The following ZBTB20 variants were observed in gnomAD, a reference collection of about 807,000 sequenced individuals.
The protein encoded by ZBTB20 is zinc finger and BTB domain containing 20.
ZBTB20 carries 9 observed loss-of-function variants against 56.9 expected under a neutral mutation model. The observed-to-expected ratio is 0.16, with a 90% confidence interval of 0.10 to 0.28. The LOEUF (loss-of-function observed/expected upper bound fraction) is 0.28. Among genes scored for constraint, ZBTB20 ranks in the 10% least tolerant of loss-of-function variants. ZBTB20 has a pLI of 1.00. For synonymous variants in ZBTB20, 417 were observed against 420.7 expected (o/e 0.99, Z 0.11); for missense variants, 655 against 1,003.0 (o/e 0.65, Z 4.69).
intron 6 of ZBTB20, among the ~76,000 whole-genome samples, chr3:114,584,516 C>T (rs987648444): frequency 6.6e-6 from 1 of 151,500 alleles, no homozygotes; most frequent in African/African-American, 2.4e-5. Flanking sequence ...GACAATATCC[C>T]TAACTCTGTT....
rs1332978485 is a variant in ZBTB20 at position 114,326,322 on chromosome 3, A to G, written c.*12683T>C. ...TGGTCTTCATCTGCAATCAATAAAA[A>G]AATCTATTCTTTGGCCCCAGACCTG... On this transcript the variant is annotated 3_prime_UTR_variant, in exon 12 of 12. Transcript: ENST00000675478. 6.6e-6 allele frequency: 1 copy of G among 152,196 alleles called. No individual in the cohort carries two copies. Among genetic ancestry groups the G allele is most frequent in the Non-Finnish European group, 1.5e-5 (1 of 68,024 alleles). The allele number at this position is 152,196 out of a possible 1,614,324, so 9.4% of individuals were successfully genotyped here. A position where few individuals can be genotyped will look rare whatever the true frequency, so the allele number is the denominator to read the frequency against.
At chr3:115,144,908 C>G (rs1219275028) in intron 1 of ZBTB20, 1 of 152,216 alleles carries the variant, frequency 6.6e-6, no homozygotes, top group African/African-American at 2.4e-5. Flanking sequence ...TCTATAAAAT[C>G]TGAAATCATA....
At chr3:114,756,969 T>C (rs778153390) in intron 5 of ZBTB20, among the ~76,000 whole-genome samples, 1 of 152,170 alleles carries the variant, frequency 6.6e-6, no homozygotes, top group Non-Finnish European at 1.5e-5. Context: ...CAATTTTCAC[T>C]TTAAAAAAAT....
chr3:115,128,043 C>A (rs1426238458), intron 1 of ZBTB20, among the ~76,000 whole-genome samples: 1 of 152,008 alleles, frequency 6.6e-6, no homozygotes, highest in Non-Finnish European at 1.5e-5. Flanking sequence ...TAGAAATTTT[C>A]TTGAATAGAG....
intron 7 of ZBTB20, among the ~76,000 whole-genome samples, chr3:114,465,007 C>T (rs1206901052): frequency 6.6e-6 from 1 of 151,730 alleles, no homozygotes; most frequent in Non-Finnish European, 1.5e-5. Flanking sequence ...CCCCCACACA[C>T]TCCCTTCAAA....
At chr3:114,961,458 A>G (rs2107975500) in intron 3 of ZBTB20, among the ~76,000 whole-genome samples, 1 of 152,282 alleles carries the variant, frequency 6.6e-6, no homozygotes, top group African/African-American at 2.4e-5. Context: ...GGAAAAATCA[A>G]TTATCTTAAA....
chr3:114,556,031 A>G (rs553490670), intron 6 of ZBTB20, among the ~76,000 whole-genome samples: 1 of 152,222 alleles, frequency 6.6e-6, no homozygotes, highest in East Asian at 1.9e-4. Flanking sequence ...CCTCTCTATC[A>G]ATGGAGGATA....
At chr3:114,439,232 C>G (rs549112556) in intron 7 of ZBTB20, among the ~76,000 whole-genome samples, 2 of 152,010 alleles carry the variant, frequency 1.3e-5, no homozygotes, top group Non-Finnish European at 1.5e-5. Flanking sequence ...GAAGCTGAGT[C>G]CCCTGGATGA....
chr3:114,866,308 T>C (rs576711362), intron 4 of ZBTB20, among the ~76,000 whole-genome samples: 53 of 152,310 alleles, frequency 3.5e-4, no homozygotes, highest in African/African-American at 1.3e-3. Context: ...AATTTGCCTA[T>C]TGTTATACAG....
intron 4 of ZBTB20, among the ~76,000 whole-genome samples, chr3:114,889,333 T>G (rs1436542316): frequency 6.6e-6 from 1 of 151,956 alleles, no homozygotes; most frequent in Non-Finnish European, 1.5e-5. Flanking sequence ...TTTTGGTTTT[T>G]TAACTTAAGA....
intron 1 of ZBTB20, among the ~76,000 whole-genome samples, chr3:115,126,110 C>T (rs1291162301): frequency 6.6e-6 from 1 of 152,106 alleles, no homozygotes; most frequent in African/African-American, 2.4e-5. Context: ...ATGTTCACAG[C>T]CTTGTTTCTT....
chr3:114,400,183 C>T (rs1039596628), intron 7 of ZBTB20, among the ~76,000 whole-genome samples: 1 of 152,000 alleles, frequency 6.6e-6, no homozygotes, highest in African/African-American at 2.4e-5. Context: ...AAGAACCAGC[C>T]GTGTGACCAT....
intron 6 of ZBTB20, among the ~76,000 whole-genome samples, chr3:114,573,499 TGAAA>T (rs1391965373): frequency 1.7e-5 from 1 of 57,272 alleles, no homozygotes; most frequent in Non-Finnish European, 3.7e-5. Flanking sequence ...GAAAGAAAGA[TGAAA>T]GAAAGAAAAG....
At chr3:114,927,923 C>A (rs532356072) in intron 3 of ZBTB20, among the ~76,000 whole-genome samples, 1 of 152,242 alleles carries the variant, frequency 6.6e-6, no homozygotes, top group South Asian at 2.1e-4. Context: ...TAAATAATTT[C>A]ATTAAACTGT....
intron 1 of ZBTB20, among the ~76,000 whole-genome samples, chr3:115,112,330 T>G (rs1308564454): frequency 1.3e-5 from 2 of 152,098 alleles, no homozygotes; most frequent in African/African-American, 4.8e-5. Context: ...TTTTGAGTAC[T>G]CTCTTCTAGC....
rs142183043 is a variant in ZBTB20, at chr3:114,539,779, G to A, written c.-294-39388C>T. Among the ~76,000 whole-genome samples the A allele has an allele frequency of 9.1e-4, 139 of 152,068 alleles. No homozygotes were observed. The East Asian group carries it at 0.023, about 25-fold the overall frequency. On this transcript the variant is annotated intron_variant, in intron 6 of 11. Coordinates refer to ENST00000675478, the MANE Select transcript of ZBTB20 (RefSeq NM_001348800.3). Reference sequence around the variant, plus strand: ...GCCCTCATTAGACTCTGAGCTGCTCGAGAAAAATGATTCATCCATCTTTGT... The same window carrying A: ...GCCCTCATTAGACTCTGAGCTGCTCAAGAAAAATGATTCATCCATCTTTGT...
At chr3:114,958,595 C>T (rs1052111132) in intron 3 of ZBTB20, among the ~76,000 whole-genome samples, 3 of 152,052 alleles carry the variant, frequency 2.0e-5, no homozygotes, top group African/African-American at 7.2e-5. Flanking sequence ...TGTCTGTAAT[C>T]CCAGCACTTT....
intron 2 of ZBTB20, among the ~76,000 whole-genome samples, chr3:114,999,375 G>A (rs2079158330): frequency 1.3e-5 from 2 of 149,774 alleles, no homozygotes; most frequent in African/African-American, 2.5e-5. Context: ...GAGGAAGGAA[G>A]GAACTTGCAC....
At chr3:114,385,228 A>G (rs1011116764) in intron 8 of ZBTB20, among the ~76,000 whole-genome samples, 1 of 152,124 alleles carries the variant, frequency 6.6e-6, no homozygotes, top group Non-Finnish European at 1.5e-5. Context: ...GAGTCGTAAC[A>G]ATTTCCCTAC....
Sources: allele counts gnomAD v4.1 joint callset (sites outside exome capture counted in the v4.1 genomes callset), GRCh38; gene constraint gnomAD v4.1.1; transcripts MANE v1.5; gene names NCBI Gene and HGNC (gene_info 2026-07-23, HGNC 2026-07-21).